Variants in RYR3 observed in about 807,000 individuals in gnomAD.
RYR3 encodes the protein ryanodine receptor 3, also known as brain ryanodine receptor-calcium release channel.
Under a neutral mutation model 584.3 loss-of-function variants are expected in RYR3, and 207 were observed. The ratio of observed to expected loss-of-function variants is 0.35; its 90% CI spans 0.32 to 0.40. The LOEUF (loss-of-function observed/expected upper bound fraction) is 0.40. RYR3 is among the 10% of genes least tolerant of loss of function. The pLI is 1.00. For missense variants in RYR3, 5,616 were observed against 6,089.2 expected, an observed-to-expected ratio of 0.92 and a Z score of 2.59; for synonymous variants, 2,416 against 2,248.5, an observed-to-expected ratio of 1.07 and a Z score of -2.11.
chr15:33,826,478 A>G (rs977617698), intron 83 of RYR3, among the ~76,000 whole-genome samples, 194 bp from the exon 84 acceptor site: 3 of 152,224 alleles, frequency 2.0e-5, no homozygotes, highest in Admixed American at 6.5e-5. Flanking sequence ...AGTTGTCTTC[A>G]TTACAAATGC....
At chr15:33,835,666 C>A (rs990060473) in intron 87 of RYR3, among the ~76,000 whole-genome samples, 2 of 152,202 alleles carry the variant, frequency 1.3e-5, no homozygotes, top group South Asian at 4.1e-4. Flanking sequence ...GTAACATTTG[C>A]AGCTTTAACT....
intron 68 of RYR3, 103 bp downstream of exon 68, chr15:33,800,960 G>A (rs536154915): frequency 1.6e-5 from 14 of 862,938 alleles, no homozygotes; most frequent in African/African-American, 3.3e-5. Flanking sequence ...TCGAAGAAAT[G>A]TATTCTGAGC....
chr15:33,763,496 C>G (rs1302104398), intron 60 of RYR3, among the ~76,000 whole-genome samples: 1 of 151,934 alleles, frequency 6.6e-6, no homozygotes, highest in African/African-American at 2.4e-5. Flanking sequence ...ATTTATGCGG[C>G]CAACAAACAT....
chr15:33,854,579 G>T, intron 97 of RYR3, 130 bp downstream of exon 97: 1 of 1,053,966 alleles, frequency 9.5e-7, no homozygotes, highest in African/African-American at 1.6e-5. Flanking sequence ...TATACGTGCT[G>T]GGGGAACACT....
At chr15:33,704,884 A>T (rs985890693) in intron 42 of RYR3, among the ~76,000 whole-genome samples, 1 of 152,186 alleles carries the variant, frequency 6.6e-6, no homozygotes, top group Non-Finnish European at 1.5e-5. Flanking sequence ...GTTTTCAAGT[A>T]GTTGGGGTGG....
chr15:33,863,295 T>G (rs1484934009), intron 102 of RYR3, among the ~76,000 whole-genome samples: 1 of 152,208 alleles, frequency 6.6e-6, no homozygotes, highest in Non-Finnish European at 1.5e-5. Context: ...TTAACCCTAC[T>G]GTCTTTCTCA....
chr15:33,624,259 G>C (rs2060870528), intron 20 of RYR3, among the ~76,000 whole-genome samples: 1 of 152,192 alleles, frequency 6.6e-6, no homozygotes, highest in African/African-American at 2.4e-5. Flanking sequence ...GTGAAGGATA[G>C]ACAGAAATAT....
At chr15:33,407,697 C>T (rs1180474403) in intron 1 of RYR3, among the ~76,000 whole-genome samples, 2 of 152,142 alleles carry the variant, frequency 1.3e-5, no homozygotes, top group African/African-American at 2.4e-5. Flanking sequence ...CAAAGTACTG[C>T]AGTAGAAACC....
At chr15:33,723,830 G>C (rs534543549) in intron 44 of RYR3, among the ~76,000 whole-genome samples, 1 of 152,320 alleles carries the variant, frequency 6.6e-6, no homozygotes, top group South Asian at 2.1e-4. Context: ...GCTCATGTCG[G>C]TACTCATGCC....
chr15:33,504,868 A>G lies in RYR3; in HGVS notation c.279+1130A>G, dbSNP rs533657122. Among the ~76,000 whole-genome samples the G allele has an allele frequency of 4.6e-5, 7 of 152,040 alleles. No homozygotes were observed. The South Asian group carries it at 1.5e-3, about 32-fold the overall frequency. ...GGAACAGCTTCCCTCCTCCTCTCTC[A>G]CTTCCCTTATGTAATCCCTACGTAT... On this transcript the variant is annotated intron_variant, in intron 3 of 103. Transcript: ENST00000634891.
chr15:33,854,316 C>T, intron 96 of RYR3, 73 bp from the exon 97 acceptor site: 1 of 1,298,806 alleles, frequency 7.7e-7, no homozygotes, highest in East Asian at 2.5e-5. Context: ...AAAAAACTTA[C>T]TTTTTCCCCC....
chr15:33,644,508 C>A lies in RYR3; in HGVS notation c.3754C>A (p.Pro1252Thr). Residue 1252 changes from proline to threonine, a missense_variant, in exon 28 of 104, where the codon CCA becomes ACA. Transcript: ENST00000634891. ...GTTTGTCAACGTGCCAAAGGATCAT[C>A]CACACATAGAGGTAATGTTACACAA... is the stretch of plus-strand genomic sequence containing the variant. ...PTFVNVPKDH[P>T]HIEVMRIDGT... 6.2e-7 allele frequency: 1 copy of A among 1,612,924 alleles called. No individual in the cohort carries two copies. Among genetic ancestry groups the A allele is most frequent in the Non-Finnish European group, 8.5e-7 (1 of 1,179,102 alleles).
intron 10 of RYR3, among the ~76,000 whole-genome samples, chr15:33,559,845 G>A (rs918477876): frequency 7.9e-5 from 12 of 152,328 alleles, no homozygotes; most frequent in African/African-American, 2.4e-4. Flanking sequence ...CAATACAGAT[G>A]TAGAGATGCC....
At chr15:33,368,024 G>T (rs965883381) in intron 1 of RYR3, among the ~76,000 whole-genome samples, 1 of 152,146 alleles carries the variant, frequency 6.6e-6, no homozygotes, top group Non-Finnish European at 1.5e-5. Flanking sequence ...GGGAAGGAAG[G>T]GGGGAAGCTG....
intron 1 of RYR3, among the ~76,000 whole-genome samples, chr15:33,396,342 C>T (rs1457578077): frequency 2.0e-5 from 3 of 152,172 alleles, no homozygotes; most frequent in Non-Finnish European, 2.9e-5. Context: ...TTGTGGTTGA[C>T]ACCCTGCATG....
rs964676155 is a variant in RYR3 at position 33,785,991 on chromosome 15, C to G, written c.9589+9C>G. The G allele has an allele frequency of 3.3e-6, 5 of 1,536,190 alleles. No homozygotes were observed. Among genetic ancestry groups the G allele is most frequent in the Non-Finnish European group, 3.5e-6 (4 of 1,138,844 alleles). ...GATGAAGCGCATTGCAGGTACCGAC[C>G]CCTTTCTCCCCAGTCCCCAGCCCAG... On this transcript the variant is annotated intron_variant, in intron 66 of 103. Coordinates refer to ENST00000634891, the MANE Select transcript of RYR3 (RefSeq NM_001036.6).
chr15:33,652,849 C>A lies in RYR3; in HGVS notation c.4274C>A (p.Ser1425Ter). Residue 1425 changes from serine to a stop codon, truncating the protein, a stop_gained, in exon 32 of 104, where the codon TCA (serine) becomes TAA (stop). Transcript: ENST00000634891. LOFTEE classifies it high-confidence loss of function. The part of the protein sequence containing the change: ...VDLAMGMLSF[S>*]ANGKELGTCY... ...CTGGCCATGGGCATGTTGTCCTTCTCAGCCAATGGAAAGGAACTGGGCACC... is the reference window on the plus strand; with the variant it reads ...CTGGCCATGGGCATGTTGTCCTTCTAAGCCAATGGAAAGGAACTGGGCACC... 2 of 1,613,142 alleles carry A rather than the reference C, an allele frequency of 1.2e-6. No individual in the cohort carries two copies. Among genetic ancestry groups the A allele is most frequent in the Non-Finnish European group, 1.7e-6 (2 of 1,179,580 alleles).
In RYR3 at chr15:33,646,413, T is replaced by C. The variant is rs1473422332; in HGVS notation, c.3828T>C (p.Phe1276=). The part of the protein sequence containing the change: ...PPCLKVTHKT[F]GTQNSNADMI... Reference sequence around the variant, plus strand: ...GTCTCAAGGTGACGCATAAGACATTTGGCACACAGAATAGCAATGCCGACA... The same window carrying C: ...GTCTCAAGGTGACGCATAAGACATTCGGCACACAGAATAGCAATGCCGACA... The change falls in exon 29 of 104, where the codon TTT becomes TTC. Residue 1276 remains phenylalanine, a synonymous_variant. Coordinates refer to ENST00000634891, the MANE Select transcript of RYR3 (RefSeq NM_001036.6). 2 of 1,613,774 alleles carry C rather than the reference T, an allele frequency of 1.2e-6. No individual in the cohort carries two copies. Among genetic ancestry groups the C allele is most frequent in the African/African-American group, 2.7e-5 (2 of 74,910 alleles).
At chr15:33,833,334 G>A (rs1397431368) in intron 86 of RYR3, among the ~76,000 whole-genome samples, 1 of 152,020 alleles carries the variant, frequency 6.6e-6, no homozygotes, top group Non-Finnish European at 1.5e-5. Flanking sequence ...GCCAAAACTT[G>A]TTCTATGAAA....
Sources: gnomAD v4.1 joint callset for allele counts (sites outside exome capture counted in the v4.1 genomes callset) on GRCh38, gnomAD v4.1.1 for gene constraint, MANE v1.5 for transcripts, NCBI Gene and HGNC (gene_info 2026-07-23, HGNC 2026-07-21) for gene names.